SYNJ1: variants seen among roughly 807,000 people sequenced by gnomAD.
The protein encoded by SYNJ1 is polyphosphatidylinositol phosphatase SYNJ1.
In SYNJ1, 78 loss-of-function variants were observed where a neutral mutation model predicts 168.2. The ratio of observed to expected loss-of-function variants is 0.46; its 90% CI spans 0.39 to 0.56. SYNJ1 has a LOEUF of 0.56. SYNJ1 is among the 20% of genes least tolerant of loss of function. SYNJ1 has a pLI of 0.00. For missense variants in SYNJ1, 1,303 were observed against 1,597.6 expected, an observed-to-expected ratio of 0.82 and a Z score of 3.14; for synonymous variants, 539 against 548.6, an observed-to-expected ratio of 0.98 and a Z score of 0.24.
chr21:32,727,679 T>C (rs947436771), intron 1 of SYNJ1, among the ~76,000 whole-genome samples: 4 of 151,962 alleles, frequency 2.6e-5, no homozygotes, highest in Admixed American at 6.5e-5. Context: ...CCAGAAGAGA[T>C]ACCCCGGCGC....
At chr21:32,668,771 G>A (rs957688865) in intron 15 of SYNJ1, among the ~76,000 whole-genome samples, 24 of 152,116 alleles carry the variant, frequency 1.6e-4, no homozygotes, top group South Asian at 2.1e-4. Flanking sequence ...TCAGAACAGC[G>A]TTCCCAAAGT....
intron 6 of SYNJ1, among the ~76,000 whole-genome samples, chr21:32,690,288 G>A (rs546761763): frequency 8.5e-5 from 13 of 152,316 alleles, no homozygotes; most frequent in Admixed American, 6.5e-4. Context: ...GCTCACTGCA[G>A]CCTCGACCTC....
Position 32,688,372 on chromosome 21 carries a change from G to A in SYNJ1, c.790-5C>T, listed in dbSNP as rs1256410543. The A allele has an allele frequency of 6.2e-7, 1 of 1,611,766 alleles. No individual in the cohort carries two copies. Among genetic ancestry groups the A allele is most frequent in the Non-Finnish European group, 8.5e-7 (1 of 1,179,088 alleles). ...ACGGACACGATGAGATCCCACCTTA[G>A]ACAAGAAAAATATATTTAATCAAAC... is the stretch of plus-strand genomic sequence containing the variant. On this transcript the variant is annotated splice_region_variant and splice_polypyrimidine_tract_variant and intron_variant, in intron 6 of 32. Transcript: ENST00000674351.
chr21:32,697,781 A>G lies in SYNJ1; in HGVS notation c.479+2057T>C, dbSNP rs192123906. ...GCGCCACTGCGCTCCAGCCTGGGCG[A>G]CAGAGTGACACTCAAAAAAATCAAT... On this transcript the variant is annotated intron_variant, in intron 4 of 32. Transcript: ENST00000674351. Among the ~76,000 whole-genome samples the G allele has an allele frequency of 5.1e-3, 778 of 152,360 alleles. 5 individuals carry two copies. Among genetic ancestry groups the G allele is most frequent in the African/African-American group, 0.018 (731 of 41,592 alleles).
At chr21:32,632,178 C>T (rs557371750) in intron 32 of SYNJ1, among the ~76,000 whole-genome samples, 1 of 152,286 alleles carries the variant, frequency 6.6e-6, no homozygotes, top group East Asian at 1.9e-4. Flanking sequence ...TATGCTAAAT[C>T]TATATAAATA....
intron 23 of SYNJ1, among the ~76,000 whole-genome samples, chr21:32,649,598 G>A (rs911097396): frequency 6.6e-6 from 1 of 151,792 alleles, no homozygotes; most frequent in African/African-American, 2.4e-5. Context: ...TTAATTATTG[G>A]GACTAAACCA....
At chr21:32,676,963 T>A (rs1037341657) in intron 12 of SYNJ1, among the ~76,000 whole-genome samples, 3 of 152,132 alleles carry the variant, frequency 2.0e-5, no homozygotes, top group Non-Finnish European at 4.4e-5. Context: ...AGCAAGACAT[T>A]ATACATGTTA....
Position 32,642,131 on chromosome 21 carries a change from G to A in SYNJ1, c.3481C>T (p.Pro1161Ser). The change falls in exon 28 of 33, where the codon CCC becomes TCC. Residue 1161 changes from proline (P) to serine (S), a missense_variant and splice_region_variant. Transcript: ENST00000674351. The part of the protein sequence containing the change: ...PGVARREMEA[P>S]KSPGTTRKDN... ...TTCCTTGTTGTTCCAGGGCTTTTGG[G>A]TGCTTTGAAGCAAGAAGGGAAAAAA... 6.2e-7 allele frequency: 1 copy of A among 1,613,852 alleles called. No homozygotes were observed. Among genetic ancestry groups the A allele is most frequent in the Non-Finnish European group, 8.5e-7 (1 of 1,179,990 alleles).
intron 2 of SYNJ1, among the ~76,000 whole-genome samples, chr21:32,712,815 C>T (rs1467226103): frequency 2.0e-5 from 3 of 152,144 alleles, no homozygotes; most frequent in Middle Eastern, 3.2e-3. Flanking sequence ...ATAAACCTCA[C>T]TGAGGAAGTG....
chr21:32,679,991 T>C (rs1393455597), intron 11 of SYNJ1, among the ~76,000 whole-genome samples: 1 of 152,056 alleles, frequency 6.6e-6, no homozygotes, highest in East Asian at 1.9e-4. Context: ...CCTCTGTACA[T>C]ATATTGTAGT....
chr21:32,693,765 T>C (rs2042109779), intron 6 of SYNJ1, among the ~76,000 whole-genome samples: 2 of 152,174 alleles, frequency 1.3e-5, no homozygotes, highest in South Asian at 2.1e-4. Flanking sequence ...ATTCCCATTA[T>C]ACAGATAAGG....
chr21:32,682,419 T>G (rs1283866531), intron 10 of SYNJ1, among the ~76,000 whole-genome samples: 2 of 152,146 alleles, frequency 1.3e-5, no homozygotes, highest in Admixed American at 1.3e-4. Context: ...TTACGTTTTA[T>G]TTTATCATGT....
chr21:32,706,061 CTA>C (rs1225331849), intron 2 of SYNJ1, among the ~76,000 whole-genome samples: 2 of 152,118 alleles, frequency 1.3e-5, no homozygotes, highest in African/African-American at 4.8e-5. Context: ...TGTCAAGACA[CTA>C]TGAAAAAAGC....
At chr21:32,684,228 T>A (rs2041737155) in intron 9 of SYNJ1, 109 bp from the exon 10 acceptor site, 1 of 963,398 alleles carries the variant, frequency 1.0e-6, no homozygotes, top group African/African-American at 1.6e-5. Context: ...TCTCCAACTT[T>A]TTATTATTAC....
chr21:32,665,935 G>A lies in SYNJ1; in HGVS notation c.2145+8C>T, dbSNP rs774453854. ...CTTTATCTTCAAGAACAAGCAGCAA[G>A]AGCTTACCATAGGAAAACTCAATTT... On this transcript the variant is annotated splice_region_variant and intron_variant, in intron 17 of 32. Coordinates refer to ENST00000674351, the MANE Select transcript of SYNJ1 (RefSeq NM_203446.3). The A allele has an allele frequency of 1.9e-6, 3 of 1,593,588 alleles. No individual in the cohort carries two copies. Among genetic ancestry groups the A allele is most frequent in the Non-Finnish European group, 2.6e-6 (3 of 1,169,304 alleles).
intron 31 of SYNJ1, among the ~76,000 whole-genome samples, chr21:32,637,199 GC>G (rs2039606604): frequency 2.0e-5 from 3 of 152,038 alleles, no homozygotes; most frequent in Admixed American, 2.0e-4. Context: ...TGAGATGGAT[GC>G]CCTAAAACAG....
chr21:32,712,227 C>T (rs903240735), intron 2 of SYNJ1, among the ~76,000 whole-genome samples: 2 of 152,140 alleles, frequency 1.3e-5, no homozygotes, highest in African/African-American at 4.8e-5. Flanking sequence ...GCATGCACTG[C>T]AGTTTGTGGT....
intron 21 of SYNJ1, among the ~76,000 whole-genome samples, chr21:32,655,758 T>C (rs1350419593): frequency 6.6e-6 from 1 of 152,226 alleles, no homozygotes; most frequent in African/African-American, 2.4e-5. Context: ...TCTTTCCCTA[T>C]GAAATCCAAA....
chr21:32,664,951 C>A lies in SYNJ1; in HGVS notation c.2266G>T (p.Ala756Ser), dbSNP rs928487214. 4.3e-6 allele frequency: 7 copies of A among 1,613,220 alleles called. No homozygotes were observed. In the African/African-American group the frequency reaches 8.0e-5, roughly 18 times the overall value. ...TTCTGATTGATAAGTTGATCTCCTG[C>A]TATAAGAGAATCCCAATTTTGCTGT... ...IRQQNWDSLI[A>S]GDQLINQKNA... The change falls in exon 18 of 33, where the codon GCA becomes TCA. Residue 756 changes from alanine (A) to serine (S), a missense_variant. Coordinates refer to ENST00000674351, the MANE Select transcript of SYNJ1 (RefSeq NM_203446.3).
Sources: gnomAD v4.1 joint callset for allele counts (sites outside exome capture counted in the v4.1 genomes callset) on GRCh38, gnomAD v4.1.1 for gene constraint, MANE v1.5 for transcripts, NCBI Gene and HGNC (gene_info 2026-07-23, HGNC 2026-07-21) for gene names.